The following HTR2C variants were observed in gnomAD, a reference collection of about 807,000 sequenced individuals.
HTR2C encodes 5-hydroxytryptamine receptor 2C, also known as 5-hydroxytryptamine (serotonin) receptor 2C, G protein-coupled.
A neutral mutation model predicts 21.0 loss-of-function variants in HTR2C; 5 were observed. That is an observed-to-expected ratio of 0.24 (90% CI 0.12 to 0.50). The LOEUF (loss-of-function observed/expected upper bound fraction) is 0.50. Among genes scored for constraint, HTR2C ranks in the 20% least tolerant of loss-of-function variants. HTR2C has a pLI of 0.98. For missense variants in HTR2C, 271 were observed against 371.2 expected (o/e 0.73, Z 2.22); for synonymous variants, 150 against 145.3 (o/e 1.03, Z -0.23).
chrX:114,690,747 A>G (rs1236430636), intron 2 of HTR2C, among the ~76,000 whole-genome samples: 3 of 111,624 alleles, frequency 2.7e-5, no homozygotes, highest in Non-Finnish European at 3.8e-5. Flanking sequence ...ATAGAACTCA[A>G]TACGGATTAA....
intron 3 of HTR2C, 127 bp from the exon 4 acceptor site, chrX:114,731,167 G>A: frequency 2.1e-6 from 1 of 466,994 alleles, no homozygotes; most frequent in Non-Finnish European, 3.7e-6. Flanking sequence ...TAATGATGAT[G>A]ACAATGATGC....
At chrX:114,780,005 A>C (rs1280629200) in intron 4 of HTR2C, among the ~76,000 whole-genome samples, 1 of 111,551 alleles carries the variant, frequency 9.0e-6, no homozygotes, top group Non-Finnish European at 1.9e-5. Flanking sequence ...TTTTAAAAAC[A>C]ACGAAACTAA....
At chrX:114,708,646 A>AT (rs199635509) in intron 2 of HTR2C, among the ~76,000 whole-genome samples, 3 of 109,418 alleles carry the variant, frequency 2.7e-5, no homozygotes, top group African/African-American at 1.0e-4. Context: ...GCTAAAAAAA[A>AT]TTTTTTTTAA....
chrX:114,726,037 T>C (rs782057470), intron 2 of HTR2C, among the ~76,000 whole-genome samples: 1,929 of 111,164 alleles, frequency 0.017, 22 homozygotes, highest in Non-Finnish European at 0.029. Context: ...CTGTGGTGGG[T>C]TCCACCCAGT....
chrX:114,838,882 T>G (rs782152134), intron 4 of HTR2C, among the ~76,000 whole-genome samples: 1 of 112,178 alleles, frequency 8.9e-6, no homozygotes, highest in African/African-American at 3.2e-5. Flanking sequence ...GTTCTAATGG[T>G]TATGGCAACA....
chrX:114,597,218 C>CA (rs782280036), intron 1 of HTR2C, among the ~76,000 whole-genome samples: 658 of 43,880 alleles, frequency 0.015, 8 homozygotes, highest in African/African-American at 0.027. Flanking sequence ...ATTTCATCTC[C>CA]AAAAAAAAAA....
chrX:114,897,802 A>G (rs1333036605), intron 5 of HTR2C, among the ~76,000 whole-genome samples: 2 of 112,346 alleles, frequency 1.8e-5, no homozygotes, highest in African/African-American at 6.5e-5. Context: ...TATCCAATCT[A>G]TCATTGATGG....
At chrX:114,718,908 T>C (rs1159225034) in intron 2 of HTR2C, among the ~76,000 whole-genome samples, 1 of 103,126 alleles carries the variant, frequency 9.7e-6, no homozygotes, top group African/African-American at 3.5e-5. Context: ...TTATAAATTA[T>C]ATTAATTTTA....
rs987779046 is a variant in HTR2C at position 114,909,071 on chromosome X, A to G, written c.*1656A>G. 2.7e-5 allele frequency: 3 copies of G among 112,491 alleles called. No homozygotes were observed. The highest frequency in any genetic ancestry group is 3.8e-5 in the Non-Finnish European group (2 of 53,234). The allele number at this position is 112,491 out of a possible 1,213,427, so 9.3% of individuals were successfully genotyped here. A position where few individuals can be genotyped will look rare whatever the true frequency, so the allele number is the denominator to read the frequency against. ...TCAACACACAGTATAGATAAATCCA[A>G]TAGTCTGCCACAAGGGCAGTGGAAG... On this transcript the variant is annotated 3_prime_UTR_variant, in exon 6 of 6. Transcript: ENST00000276198.
At chrX:114,774,923 C>T (rs1309673827) in intron 4 of HTR2C, 9 of 537,726 alleles carry the variant, frequency 1.7e-5, no homozygotes, top group Non-Finnish European at 3.1e-5. Context: ...CCAGGCATGC[C>T]TCCTGCACTC....
At chrX:114,708,962 A>G (rs1556418836) in intron 2 of HTR2C, among the ~76,000 whole-genome samples, 1 of 112,006 alleles carries the variant, frequency 8.9e-6, no homozygotes, top group African/African-American at 3.2e-5. Context: ...TTGCTTTCAA[A>G]ACAACTAATA....
At chrX:114,791,187 A>G (rs1372675406) in intron 4 of HTR2C, among the ~76,000 whole-genome samples, 1 of 112,677 alleles carries the variant, frequency 8.9e-6, no homozygotes, top group East Asian at 2.8e-4. Flanking sequence ...TAATTCAATC[A>G]TATTATAGAA....
intron 5 of HTR2C, among the ~76,000 whole-genome samples, chrX:114,903,680 G>A (rs1463231087): frequency 8.9e-6 from 1 of 112,392 alleles, no homozygotes; most frequent in Non-Finnish European, 1.9e-5. Context: ...CTCTGGAGTT[G>A]GTCTCTAAGT....
chrX:114,615,675 C>G (rs1246465786), intron 2 of HTR2C, among the ~76,000 whole-genome samples: 1 of 111,747 alleles, frequency 8.9e-6, no homozygotes, highest in African/African-American at 3.3e-5. Flanking sequence ...CCAATTTCAT[C>G]TTTACTGTCT....
In HTR2C at chrX:114,907,458, G is replaced by T; in HGVS notation, c.*43G>T. On this transcript the variant is annotated 3_prime_UTR_variant, in exon 6 of 6. Transcript: ENST00000276198. ...TTTTCCTACGGTACAAGCTACATAT[G>T]TAGGAAAATTTTCTTCTTTAATTTT... 2 of 993,948 alleles carry T rather than the reference G, an allele frequency of 2.0e-6. No homozygotes were observed. Among genetic ancestry groups the T allele is most frequent in the Non-Finnish European group, 2.8e-6 (2 of 718,488 alleles). 81.9% of individuals were successfully genotyped at this position (993,948 alleles called of 1,213,427 possible).
chrX:114,786,454 A>G (rs1556442129), intron 4 of HTR2C, among the ~76,000 whole-genome samples: 1 of 111,934 alleles, frequency 8.9e-6, no homozygotes, highest in African/African-American at 3.2e-5. Flanking sequence ...AAATACTGAA[A>G]TTTATGCCTT....
chrX:114,589,881 G>A (rs1927563125), intron 1 of HTR2C: 2 of 326,737 alleles, frequency 6.1e-6, no homozygotes, highest in South Asian at 3.4e-5. Flanking sequence ...AAAGATGCAA[G>A]CATTTTGAAC....
At chrX:114,619,497 A>G (rs1556401188) in intron 2 of HTR2C, among the ~76,000 whole-genome samples, 1 of 110,944 alleles carries the variant, frequency 9.0e-6, no homozygotes, top group Non-Finnish European at 1.9e-5. Flanking sequence ...GTTGGGCCCC[A>G]CTGATCTACT....
chrX:114,694,657 T>C (rs937891326), intron 2 of HTR2C, among the ~76,000 whole-genome samples: 5 of 109,183 alleles, frequency 4.6e-5, no homozygotes, highest in African/African-American at 1.7e-4. Context: ...CATGATGGGC[T>C]AATTTTTGTA....
Sources: allele counts gnomAD v4.1 joint callset (sites outside exome capture counted in the v4.1 genomes callset), GRCh38; gene constraint gnomAD v4.1.1; transcripts MANE v1.5; gene names NCBI Gene and HGNC (gene_info 2026-07-23, HGNC 2026-07-21).